Variants in EIPR1 observed in about 807,000 individuals in gnomAD.
EIPR1 encodes EARP complex and GARP complex interacting protein 1, also known as EARP and GARP complex-interacting protein 1.
In EIPR1, 25 loss-of-function variants were observed where a neutral mutation model predicts 48.1. The observed-to-expected ratio is 0.52, with a 90% CI of 0.38 to 0.73. The LOEUF is 0.73. Among genes scored for constraint, EIPR1 ranks in the 30% least tolerant of loss-of-function variants. The pLI is 0.00. For synonymous variants in EIPR1, 204 were observed against 201.9 expected, an observed-to-expected ratio of 1.01 and a Z score of -0.09; for missense variants, 415 against 506.2, an observed-to-expected ratio of 0.82 and a Z score of 1.73.
At chr2:3,314,275 C>T (rs1035231787) in intron 3 of EIPR1, among the ~76,000 whole-genome samples, 3 of 152,124 alleles carry the variant, frequency 2.0e-5, no homozygotes, top group African/African-American at 2.4e-5. Flanking sequence ...TTCCGGCTGC[C>T]GCTAATGCCA....
At chr2:3,225,088 A>T (rs1666016427) in intron 4 of EIPR1, among the ~76,000 whole-genome samples, 1 of 152,182 alleles carries the variant, frequency 6.6e-6, no homozygotes, top group Non-Finnish European at 1.5e-5. Flanking sequence ...ATTATGTAAA[A>T]CTATCTATAG....
At chr2:3,269,584 T>TCAATCATCA (rs1215040816) in intron 3 of EIPR1, among the ~76,000 whole-genome samples, 5 of 72,500 alleles carry the variant, frequency 6.9e-5, no homozygotes, top group Admixed American at 2.9e-4. Flanking sequence ...GTCATCGCAC[T>TCAATCATCA]CAATCATCGC....
At chr2:3,264,880 T>C (rs1667439902) in intron 3 of EIPR1, among the ~76,000 whole-genome samples, 1 of 151,894 alleles carries the variant, frequency 6.6e-6, no homozygotes, top group African/African-American at 2.4e-5. Context: ...AGAGACGGGG[T>C]TTCTCCATGT....
intron 3 of EIPR1, among the ~76,000 whole-genome samples, chr2:3,310,380 G>A (rs948707457): frequency 5.9e-5 from 9 of 151,856 alleles, no homozygotes; most frequent in Admixed American, 1.3e-4. Context: ...TTGGCCGGGC[G>A]CGGTGGCTCA....
chr2:3,317,952 T>C (rs1669363029), intron 3 of EIPR1, among the ~76,000 whole-genome samples: 1 of 152,230 alleles, frequency 6.6e-6, no homozygotes, highest in Admixed American at 6.5e-5. Context: ...CAGTTCACAG[T>C]GTTCTGCTTC....
chr2:3,194,068 CAG>C lies in EIPR1; in HGVS notation c.750_751del (p.Asp250GlufsTer2), dbSNP rs1360837669. The C allele has an allele frequency of 6.2e-7, 1 of 1,613,834 alleles. No individual in the cohort carries two copies. The highest frequency in any genetic ancestry group is 8.5e-7 in the Non-Finnish European group (1 of 1,180,034). ...TCGGGTGTCCCAGAACTTCACCTTA[CAG>C]TCGTCTCCGCAGCTGGCCAAGTAGT... is the stretch of plus-strand genomic sequence containing the variant. On this transcript the variant is annotated frameshift_variant, in exon 7 of 9. Coordinates refer to ENST00000382125, the MANE Select transcript of EIPR1 (RefSeq NM_003310.5). LOFTEE classifies it high-confidence loss of function.
intron 1 of EIPR1, among the ~76,000 whole-genome samples, chr2:3,360,752 A>G (rs1347828670): frequency 6.6e-6 from 1 of 152,194 alleles, no homozygotes; most frequent in African/African-American, 2.4e-5. Flanking sequence ...AGAAGGTTTA[A>G]GGAGGGCAGG....
At chr2:3,208,711 C>G in intron 5 of EIPR1, 1 of 1,550,160 alleles carries the variant, frequency 6.5e-7, no homozygotes, top group Non-Finnish European at 8.7e-7. Flanking sequence ...TCGGCGGGTC[C>G]TTCTTCCATG....
At chr2:3,316,983 A>T (rs1370439429) in intron 3 of EIPR1, among the ~76,000 whole-genome samples, 2 of 152,220 alleles carry the variant, frequency 1.3e-5, no homozygotes, top group Non-Finnish European at 2.9e-5. Context: ...CATGGGGTGG[A>T]GCATGGAGAC....
rs76735205 is a variant in EIPR1, at chr2:3,365,394, C to T, written c.43-10761G>A. ...GGCTGAAGCCGGGAGAGAGCTTGAG[C>T]CCAAGAGTTCCAGGCTGCCATGAGC... On this transcript the variant is annotated intron_variant, in intron 1 of 8. Transcript: ENST00000382125. Among the ~76,000 whole-genome samples, 1,327 of 152,226 alleles carry T rather than the reference C, an allele frequency of 8.7e-3. 126 individuals are homozygous for T. In the East Asian group the frequency reaches 0.2, roughly 23 times the overall value.
chr2:3,369,157 T>G (rs985882982), intron 1 of EIPR1, among the ~76,000 whole-genome samples: 1 of 152,212 alleles, frequency 6.6e-6, no homozygotes, highest in Admixed American at 6.5e-5. Flanking sequence ...GCTACTTCTT[T>G]TAAGATAAAG....
chr2:3,345,417 G>C (rs1458313511), intron 2 of EIPR1, among the ~76,000 whole-genome samples: 1 of 152,124 alleles, frequency 6.6e-6, no homozygotes, highest in East Asian at 1.9e-4. Flanking sequence ...CTGAGGTCAG[G>C]AGTTCAAGAC....
intron 3 of EIPR1, among the ~76,000 whole-genome samples, chr2:3,296,237 C>CCT: frequency 3.1e-5 from 3 of 95,866 alleles, no homozygotes; most frequent in Non-Finnish European, 4.4e-5. Context: ...TCCAGCCCAT[C>CCT]CTCACCACAC....
chr2:3,256,734 G>A (rs899078009), intron 4 of EIPR1, among the ~76,000 whole-genome samples: 2 of 152,220 alleles, frequency 1.3e-5, no homozygotes, highest in South Asian at 2.1e-4. Flanking sequence ...GAGCAGCTGT[G>A]ACTGCCGTGG....
intron 1 of EIPR1, among the ~76,000 whole-genome samples, chr2:3,376,812 T>G (rs1659900119): frequency 1.3e-5 from 2 of 152,224 alleles, no homozygotes; most frequent in Admixed American, 6.5e-5. Flanking sequence ...TGTCCCTCAG[T>G]GCTTTAGGCA....
chr2:3,226,895 C>A (rs867307614), intron 4 of EIPR1, among the ~76,000 whole-genome samples: 3 of 152,214 alleles, frequency 2.0e-5, no homozygotes, highest in Non-Finnish European at 2.9e-5. Flanking sequence ...TTGCCTGCTG[C>A]CATGTAAGAC....
intron 4 of EIPR1, among the ~76,000 whole-genome samples, chr2:3,242,096 C>G (rs958247662): frequency 2.0e-5 from 3 of 152,210 alleles, no homozygotes; most frequent in Non-Finnish European, 4.4e-5. Flanking sequence ...AGAACAGGAG[C>G]TCCCGACTCG....
In EIPR1 at chr2:3,218,609, C is replaced by T. The variant is rs979283599; in HGVS notation, c.417-4361G>A. ...GTGGACACCCAACACGGCCCTGATA[C>T]ACTCTAGAGCTTTCACAGTGAGTCA... On this transcript the variant is annotated intron_variant, in intron 4 of 8. Transcript: ENST00000382125. 1.0e-4 allele frequency among the ~76,000 whole-genome samples: 15 copies of T among 147,024 alleles called. 2 individuals carry two copies. Among genetic ancestry groups the T allele is most frequent in the Non-Finnish European group, 1.6e-4 (11 of 66,928 alleles).
chr2:3,374,562 G>A (rs987439243), intron 1 of EIPR1, among the ~76,000 whole-genome samples: 1 of 152,146 alleles, frequency 6.6e-6, no homozygotes, highest in African/African-American at 2.4e-5. Context: ...ATCAAAAAGT[G>A]GGCAAAGGAT....
Sources: allele counts gnomAD v4.1 joint callset (sites outside exome capture counted in the v4.1 genomes callset), GRCh38; gene constraint gnomAD v4.1.1; transcripts MANE v1.5; gene names NCBI Gene and HGNC (gene_info 2026-07-23, HGNC 2026-07-21).